Variants in UBR1 observed in about 807,000 individuals in gnomAD.
The protein encoded by UBR1 is E3 ubiquitin-protein ligase UBR1.
Under a neutral mutation model 242.1 loss-of-function variants are expected in UBR1, and 102 were observed. The ratio of observed to expected loss-of-function variants is 0.42; its 90% CI spans 0.36 to 0.50. The LOEUF (loss-of-function observed/expected upper bound fraction) is 0.50. Among genes scored for constraint, UBR1 ranks in the 20% least tolerant of loss-of-function variants. The pLI, the probability that UBR1 is intolerant of heterozygous loss-of-function variation, is 0.01. For synonymous variants in UBR1, 675 were observed against 684.8 expected (o/e 0.99, Z 0.22); for missense variants, 1,772 against 2,101.8 (o/e 0.84, Z 3.07).
At position 42,945,197 on chromosome 15, in the gene UBR1, T is replaced by G; in HGVS notation, c.*132A>C. 2 of 1,193,830 alleles carry G rather than the reference T, an allele frequency of 1.7e-6. No homozygotes were observed. Among genetic ancestry groups the G allele is most frequent in the Admixed American group, 4.1e-5 (2 of 48,936 alleles). The allele number at this position is 1,193,830 out of a possible 1,614,324, so 74.0% of individuals were successfully genotyped here. Reference sequence around the variant, plus strand: ...AATACTCCATTAAGAAATATTTTATTGATGTAAGTGAACCTGGACATGGAG... The same window carrying G: ...AATACTCCATTAAGAAATATTTTATGGATGTAAGTGAACCTGGACATGGAG... On this transcript the variant is annotated 3_prime_UTR_variant, in exon 47 of 47. Transcript: ENST00000290650.
chr15:43,045,417 T>A (rs901509367), intron 14 of UBR1, among the ~76,000 whole-genome samples: 4 of 151,862 alleles, frequency 2.6e-5, no homozygotes, highest in African/African-American at 9.7e-5. Context: ...CAGTGAGCCA[T>A]GATAGCGCCA....
chr15:43,059,609 AACTTT>A, intron 8 of UBR1, 88 bp downstream of exon 8: 3 of 1,451,824 alleles, frequency 2.1e-6, no homozygotes, highest in South Asian at 1.3e-5. Context: ...AAAAAAGAAA[AACTTT>A]ATTTCATACT....
chr15:43,019,975 AT>A (rs1456184290), intron 27 of UBR1, among the ~76,000 whole-genome samples: 1 of 151,586 alleles, frequency 6.6e-6, no homozygotes, highest in Non-Finnish European at 1.5e-5. Context: ...TGCTTATTTA[AT>A]TCACTCGTCT....
chr15:43,035,381 G>C (rs557445299), intron 19 of UBR1, among the ~76,000 whole-genome samples: 1 of 152,146 alleles, frequency 6.6e-6, no homozygotes, highest in Non-Finnish European at 1.5e-5. Context: ...ATTTCAGGAG[G>C]TATGGTTAAG....
At chr15:42,990,731 G>C (rs936552133) in intron 33 of UBR1, among the ~76,000 whole-genome samples, 1 of 152,126 alleles carries the variant, frequency 6.6e-6, no homozygotes, top group Non-Finnish European at 1.5e-5. Flanking sequence ...ATTTTGCCAT[G>C]TTTAATGACT....
chr15:43,038,320 T>C, intron 15 of UBR1, 88 bp from the exon 16 acceptor site: 2 of 1,373,580 alleles, frequency 1.5e-6, no homozygotes, highest in Admixed American at 3.4e-5. Flanking sequence ...CTTGTGCGAT[T>C]TGATTTGGCT....
intron 3 of UBR1, among the ~76,000 whole-genome samples, chr15:43,078,317 G>C (rs1295674940): frequency 6.6e-6 from 1 of 152,042 alleles, no homozygotes; most frequent in Non-Finnish European, 1.5e-5. Flanking sequence ...AAGGAAAAAG[G>C]GATATAAGGG....
Position 43,059,825 on chromosome 15 carries a change from T to C in UBR1, c.862A>G (p.Ser288Gly), listed in dbSNP as rs1426173252. Residue 288 changes from serine to glycine, a missense_variant and splice_region_variant, in exon 8 of 47, where the codon AGT becomes GGT. Physicochemically the swap from Ser to Gly is moderately conservative, Grantham distance 56. Around this residue, in one of 3 missense-constraint regions of UBR1, gnomAD observed 734 missense variants for 893.3 expected, o/e 0.82. Coordinates refer to ENST00000290650, the MANE Select transcript of UBR1 (RefSeq NM_174916.3). ...ACQEAKEDIK[S>G]HSENVSQHPL... ...TGTTGAGAGACATTTTCTGAATGAC[T>C]CTACAAATGAAGGGAACGAACCAAA... 5 of 1,614,034 alleles carry C rather than the reference T, an allele frequency of 3.1e-6. No homozygotes were observed. The highest frequency in any genetic ancestry group is 2.2e-5 in the East Asian group (1 of 44,862).
rs1567116185 is a variant in UBR1, at chr15:42,986,011, A to AAG, written c.3998-1071_3998-1070dup. Among the ~76,000 whole-genome samples, 112 of 150,858 alleles carry AAG rather than the reference A, an allele frequency of 7.4e-4. 1 individual carries two copies. The highest frequency in any genetic ancestry group is 1.1e-3 in the Non-Finnish European group (74 of 67,630). On this transcript the variant is annotated intron_variant, in intron 35 of 46. Coordinates refer to ENST00000290650, the MANE Select transcript of UBR1 (RefSeq NM_174916.3). ...TCTCAAAAAAAAAAAAAAAAAAAAAAAGAGAAAGAAAAAGAGAAAATTAAA... is the reference window on the plus strand; with the variant it reads ...TCTCAAAAAAAAAAAAAAAAAAAAAAAGAGAGAAAGAAAAAGAGAAAATTAAA...
intron 3 of UBR1, among the ~76,000 whole-genome samples, chr15:43,075,364 A>T (rs1457789514): frequency 6.6e-6 from 1 of 152,226 alleles, no homozygotes; most frequent in African/African-American, 2.4e-5. Flanking sequence ...TTTAAATAAC[A>T]GTTGTTTAAA....
chr15:42,974,848 T>A (rs2032263734), intron 39 of UBR1, among the ~76,000 whole-genome samples: 2 of 152,156 alleles, frequency 1.3e-5, no homozygotes, highest in Non-Finnish European at 2.9e-5. Flanking sequence ...AGGACTGGGA[T>A]TACAGGCATG....
At chr15:43,064,577 C>CT (rs35224418) in intron 6 of UBR1, among the ~76,000 whole-genome samples, 20,365 of 138,796 alleles carry the variant, frequency 0.15, 1,574 homozygotes, top group Non-Finnish European at 0.17. Flanking sequence ...TATCTTACAT[C>CT]TTTTTTTTTT....
intron 42 of UBR1, among the ~76,000 whole-genome samples, chr15:42,962,809 T>C (rs1427632579): frequency 6.6e-6 from 1 of 152,072 alleles, no homozygotes; most frequent in Non-Finnish European, 1.5e-5. Flanking sequence ...GCTTCCCTTT[T>C]TCCTGGCCAC....
intron 44 of UBR1, among the ~76,000 whole-genome samples, 172 bp downstream of exon 44, chr15:42,957,841 T>A (rs2141253223): frequency 6.6e-6 from 1 of 152,258 alleles, no homozygotes; most frequent in Non-Finnish European, 1.5e-5. Flanking sequence ...CACTCCAGCC[T>A]GGGCAACAGA....
At chr15:43,096,526 T>C (rs1265252692) in intron 1 of UBR1, among the ~76,000 whole-genome samples, 2 of 152,180 alleles carry the variant, frequency 1.3e-5, no homozygotes, top group Non-Finnish European at 2.9e-5. Context: ...TCACAAAAGA[T>C]TTCTCTGTAG....
At chr15:42,990,187 G>GC in intron 33 of UBR1, 67 bp from the exon 34 acceptor site, 1 of 1,143,390 alleles carries the variant, frequency 8.7e-7, no homozygotes, top group Non-Finnish European at 1.3e-6. Flanking sequence ...CAGTTTTCTA[G>GC]CATTTATTTA....
intron 29 of UBR1, among the ~76,000 whole-genome samples, chr15:43,014,454 T>C (rs1302104926): frequency 1.3e-5 from 2 of 148,748 alleles, no homozygotes; most frequent in African/African-American, 5.0e-5. Context: ...TCTTCCCGGC[T>C]GCCATCCCAT....
chr15:43,096,480 A>C (rs1381882384), intron 1 of UBR1, among the ~76,000 whole-genome samples: 1 of 152,152 alleles, frequency 6.6e-6, no homozygotes, highest in Non-Finnish European at 1.5e-5. Flanking sequence ...TCTTAAAATA[A>C]GACAACCATG....
intron 26 of UBR1, 126 bp from the exon 27 acceptor site, chr15:43,021,501 T>C: frequency 2.5e-6 from 2 of 801,668 alleles, no homozygotes; most frequent in Non-Finnish European, 4.2e-6. Context: ...TTATGTAAAA[T>C]GGTGTAGTAT....
Sources: allele counts gnomAD v4.1 joint callset (sites outside exome capture counted in the v4.1 genomes callset), GRCh38; gene constraint gnomAD v4.1.1; regional missense constraint gnomAD v4.1.1; transcripts MANE v1.5; gene names NCBI Gene and HGNC (gene_info 2026-07-23, HGNC 2026-07-21).